Variants in EPHA5 observed in about 807,000 individuals in gnomAD.
EPHA5 encodes the protein ephrin type-A receptor 5.
Under a neutral mutation model 105.0 loss-of-function variants are expected in EPHA5, and 60 were observed. The observed-to-expected ratio is 0.57, with a 90% CI of 0.46 to 0.71. The LOEUF is 0.71. EPHA5 is among the 30% of genes least tolerant of loss of function. The pLI is 0.00. For synonymous variants in EPHA5, 513 were observed against 449.1 expected (o/e 1.14, Z -1.80); for missense variants, 1,218 against 1,274.7 (o/e 0.96, Z 0.68).
chr4:65,324,264 G>T, intron 16 of EPHA5, 45 bp from the exon 17 acceptor site: 1 of 1,332,306 alleles, frequency 7.5e-7, no homozygotes, highest in Non-Finnish European at 1.1e-6. Context: ...TCAATTTGTA[G>T]CACACCTCAA....
At chr4:65,517,602 CCTTTT>C (rs1560635304) in intron 3 of EPHA5, among the ~76,000 whole-genome samples, 1 of 151,558 alleles carries the variant, frequency 6.6e-6, no homozygotes, top group African/African-American at 2.4e-5. Context: ...CGTTTATTCC[CCTTTT>C]CTTCTTCATT....
At chr4:65,397,859 G>T (rs879440046) in intron 8 of EPHA5, among the ~76,000 whole-genome samples, 1 of 152,118 alleles carries the variant, frequency 6.6e-6, no homozygotes, top group Non-Finnish European at 1.5e-5. Flanking sequence ...AGTAGTCATT[G>T]TCCCTATCCT....
chr4:65,467,795 C>T (rs1270234907), intron 5 of EPHA5, among the ~76,000 whole-genome samples: 3 of 151,986 alleles, frequency 2.0e-5, no homozygotes, highest in African/African-American at 7.2e-5. Context: ...AGGAAAATTA[C>T]CCTGAATTAT....
At chr4:65,548,933 C>T (rs747022719) in intron 3 of EPHA5, among the ~76,000 whole-genome samples, 2 of 152,090 alleles carry the variant, frequency 1.3e-5, no homozygotes, top group South Asian at 2.1e-4. Flanking sequence ...GTCTGGCTAG[C>T]GCTAATGCTG....
intron 16 of EPHA5, among the ~76,000 whole-genome samples, chr4:65,328,935 T>G (rs1348200816): frequency 1.3e-5 from 2 of 151,210 alleles, no homozygotes; most frequent in Non-Finnish European, 3.0e-5. Flanking sequence ...TTTTATTAGT[T>G]TAAGATTCTA....
chr4:65,461,606 G>A (rs1728128717), intron 5 of EPHA5, among the ~76,000 whole-genome samples: 1 of 151,872 alleles, frequency 6.6e-6, no homozygotes, highest in African/African-American at 2.4e-5. Flanking sequence ...GATTAATGGA[G>A]GACGTAGAAA....
At chr4:65,479,830 CAT>C (rs1730182879) in intron 5 of EPHA5, among the ~76,000 whole-genome samples, 1 of 152,016 alleles carries the variant, frequency 6.6e-6, no homozygotes, top group African/African-American at 2.4e-5. Flanking sequence ...AAATAAAAAA[CAT>C]ATGCGTATGA....
At chr4:65,622,226 A>G (rs986765224) in intron 2 of EPHA5, among the ~76,000 whole-genome samples, 7 of 152,070 alleles carry the variant, frequency 4.6e-5, no homozygotes, top group Non-Finnish European at 7.4e-5. Context: ...TCCACAGTGA[A>G]CTGTAAACTT....
chr4:65,594,577 T>C (rs1742990092), intron 3 of EPHA5, among the ~76,000 whole-genome samples: 1 of 152,206 alleles, frequency 6.6e-6, no homozygotes, highest in Non-Finnish European at 1.5e-5. Context: ...ATTTCTTTTA[T>C]GAGTGAGAAA....
At chr4:65,378,812 T>C (rs1308504803) in intron 8 of EPHA5, among the ~76,000 whole-genome samples, 1 of 151,880 alleles carries the variant, frequency 6.6e-6, no homozygotes. Context: ...TTTGCATGGT[T>C]TAAACACAAT....
rs1732755795 is a variant in EPHA5, at chr4:65,504,000, G to A, written c.911-8457C>T. On this transcript the variant is annotated intron_variant, in intron 3 of 16. Coordinates refer to ENST00000613740, the MANE Select transcript of EPHA5 (RefSeq NM_001281766.3). ...AACAGGTATATGTATATGTTGTAAT[G>A]TGTATATATGTAATATAAATGGTAG... 4.0e-5 allele frequency among the ~76,000 whole-genome samples: 6 copies of A among 150,978 alleles called. No individual in the cohort carries two copies. In the South Asian group the frequency reaches 1.3e-3, roughly 32 times the overall value.
At chr4:65,577,810 G>T (rs1266845601) in intron 3 of EPHA5, among the ~76,000 whole-genome samples, 1 of 152,032 alleles carries the variant, frequency 6.6e-6, no homozygotes, top group Non-Finnish European at 1.5e-5. Flanking sequence ...AGGTCAGAGG[G>T]AAAGTATGTA....
intron 8 of EPHA5, among the ~76,000 whole-genome samples, chr4:65,371,553 A>T (rs765909358): frequency 3.3e-5 from 5 of 152,094 alleles, no homozygotes; most frequent in Non-Finnish European, 2.9e-5. Flanking sequence ...GTAGAGATGG[A>T]CAGCCAACGA....
intron 7 of EPHA5, among the ~76,000 whole-genome samples, chr4:65,409,423 G>T (rs942159436): frequency 6.6e-6 from 1 of 151,696 alleles, no homozygotes; most frequent in African/African-American, 2.4e-5. Context: ...AAATAATAAT[G>T]TTTCTTAAAA....
At chr4:65,582,791 A>C (rs1741762097) in intron 3 of EPHA5, among the ~76,000 whole-genome samples, 1 of 151,748 alleles carries the variant, frequency 6.6e-6, no homozygotes, top group African/African-American at 2.4e-5. Context: ...TTTACTCAAA[A>C]GTCTGCAAAG....
rs1001475479 is a variant in EPHA5, at chr4:65,669,778, C to G, written c.-36G>C. 2.0e-5 allele frequency: 25 copies of G among 1,242,224 alleles called. No individual in the cohort carries two copies. The highest frequency in any genetic ancestry group is 2.3e-5 in the Non-Finnish European group (23 of 993,036). 77.0% of individuals were successfully genotyped at this position (1,242,224 alleles called of 1,614,324 possible). ...CCTCCTCCGGTGCCGCTGTCCCGAG[C>G]GGCTCAGTCCACCGCTTCGGCCTCG... On this transcript the variant is annotated 5_prime_UTR_variant, in exon 1 of 17. Transcript: ENST00000613740.
intron 4 of EPHA5, 123 bp downstream of exon 4, chr4:65,495,265 G>C (rs1731808028): frequency 9.1e-7 from 1 of 1,095,340 alleles, no homozygotes; most frequent in Non-Finnish European, 1.3e-6. Flanking sequence ...AAACTGTATA[G>C]AGATGATTAA....
chr4:65,475,025 T>A (rs1175942891), intron 5 of EPHA5, among the ~76,000 whole-genome samples: 1 of 152,120 alleles, frequency 6.6e-6, no homozygotes, highest in Non-Finnish European at 1.5e-5. Flanking sequence ...GATGTGTACA[T>A]TTGATAAAGG....
chr4:65,382,657 G>A (rs1719674128), intron 8 of EPHA5, among the ~76,000 whole-genome samples: 2 of 151,688 alleles, frequency 1.3e-5, no homozygotes, highest in Admixed American at 1.3e-4. Flanking sequence ...TTCCAAACCT[G>A]GCTACACATT....
Sources: allele counts gnomAD v4.1 joint callset (sites outside exome capture counted in the v4.1 genomes callset), GRCh38; gene constraint gnomAD v4.1.1; transcripts MANE v1.5; gene names NCBI Gene and HGNC (gene_info 2026-07-23, HGNC 2026-07-21).